Variants in TEX36 observed in about 807,000 individuals in gnomAD.
TEX36 encodes the protein testis-expressed protein 36.
In TEX36, 12 loss-of-function variants were observed where a neutral mutation model predicts 13.6. The observed-to-expected ratio is 0.88, with a 90% CI of 0.56 to 1.43. TEX36 has a LOEUF of 1.43. TEX36 is among the 40% of genes most tolerant of loss of function. TEX36 has a pLI of 0.00. For missense variants in TEX36, 224 were observed against 228.3 expected (o/e 0.98, Z 0.12); for synonymous variants, 93 against 83.0 (o/e 1.12, Z -0.65).
At chr10:125,666,370 C>T (rs1347622229) in intron 1 of TEX36, among the ~76,000 whole-genome samples, 1 of 152,058 alleles carries the variant, frequency 6.6e-6, no homozygotes, top group Non-Finnish European at 1.5e-5. Context: ...GAGTTATGTT[C>T]CTTCTATGTC....
At chr10:125,641,029 T>A (rs1846684057) in intron 3 of TEX36, among the ~76,000 whole-genome samples, 1 of 148,588 alleles carries the variant, frequency 6.7e-6, no homozygotes, top group African/African-American at 2.5e-5. Context: ...AAAAAAAAAA[T>A]TTAATTGGGA....
intron 1 of TEX36, among the ~76,000 whole-genome samples, chr10:125,670,845 C>T (rs1017833044): frequency 1.3e-5 from 2 of 152,116 alleles, no homozygotes; most frequent in East Asian, 1.9e-4. Flanking sequence ...AATAGGGAAT[C>T]CTTTTCCCAT....
downstream of TEX36, among the ~76,000 whole-genome samples, chr10:125,653,825 T>A (rs2133587809): frequency 6.6e-6 from 1 of 151,886 alleles, no homozygotes; most frequent in South Asian, 2.1e-4. Context: ...CAAAAAACAA[T>A]TTTTTAATTA....
intron 3 of TEX36, among the ~76,000 whole-genome samples, chr10:125,625,193 A>G (rs886480781): frequency 1.1e-4 from 16 of 152,208 alleles, no homozygotes; most frequent in Admixed American, 1.3e-4. Flanking sequence ...CCCACCAGAC[A>G]TGAGCCCCTC....
intron 3 of TEX36, among the ~76,000 whole-genome samples, chr10:125,582,534 G>A (rs1381133027): frequency 6.6e-6 from 1 of 152,222 alleles, no homozygotes; most frequent in Non-Finnish European, 1.5e-5. Flanking sequence ...CAGATCCAAA[G>A]TGGTGGCCAA....
At chr10:125,636,589 G>T (rs1278098386) in intron 3 of TEX36, among the ~76,000 whole-genome samples, 4 of 152,088 alleles carry the variant, frequency 2.6e-5, no homozygotes. Flanking sequence ...CTTCATAAAA[G>T]TTCCAAATGA....
chr10:125,651,736 A>G (rs538297668), downstream of TEX36, among the ~76,000 whole-genome samples: 1 of 152,310 alleles, frequency 6.6e-6, no homozygotes, highest in South Asian at 2.1e-4. Context: ...ATGATTTTAT[A>G]TTTAGAAAAC....
intron 3 of TEX36, 99 bp downstream of exon 3, chr10:125,660,922 C>T: frequency 5.8e-6 from 6 of 1,026,390 alleles, no homozygotes; most frequent in Non-Finnish European, 8.9e-6. Flanking sequence ...GACCTTGTTC[C>T]AGTTTTGAGG....
rs148146722 is a variant in TEX36 at position 125,641,248 on chromosome 10, A to G, written c.265-19603T>C. 1.5e-3 allele frequency among the ~76,000 whole-genome samples: 234 copies of G among 152,350 alleles called. 1 individual carries two copies. Among genetic ancestry groups the G allele is most frequent in the African/African-American group, 5.4e-3 (226 of 41,584 alleles). ...GGCTTTGGCCAAAGGCAGCCACAAG[A>G]TACTCTAACAAAAAGAAGGCACAAG... On this transcript the variant is annotated intron_variant, in intron 3 of 3. Transcript: ENST00000526819.
At chr10:125,619,843 C>T (rs1046560935), downstream of TEX36, among the ~76,000 whole-genome samples, 2 of 151,920 alleles carry the variant, frequency 1.3e-5, no homozygotes, top group African/African-American at 4.8e-5. Flanking sequence ...GCGTGAGCCA[C>T]CTCGCCCGAC....
chr10:125,617,086 T>G, downstream of TEX36, among the ~76,000 whole-genome samples: 1 of 152,184 alleles, frequency 6.6e-6, no homozygotes. Flanking sequence ...AAGTCTGTTT[T>G]ATCAGAGACT....
At chr10:125,661,644 A>G (rs1847044482) in intron 2 of TEX36, among the ~76,000 whole-genome samples, 1 of 152,150 alleles carries the variant, frequency 6.6e-6, no homozygotes, top group Admixed American at 6.5e-5. Flanking sequence ...GGAGGAGCCT[A>G]ACTTGATTGT....
At chr10:125,677,778 C>T (rs917651010) in intron 1 of TEX36, among the ~76,000 whole-genome samples, 2 of 152,128 alleles carry the variant, frequency 1.3e-5, no homozygotes, top group Non-Finnish European at 2.9e-5. Flanking sequence ...GCCACCCAGA[C>T]TCAATTGATC....
At chr10:125,597,892 C>A (rs1483382251) in intron 3 of TEX36, among the ~76,000 whole-genome samples, 1 of 152,224 alleles carries the variant, frequency 6.6e-6, no homozygotes, top group African/African-American at 2.4e-5. Flanking sequence ...GGATCCCAAA[C>A]ACTTTGTGAC....
intron 1 of TEX36, among the ~76,000 whole-genome samples, chr10:125,674,614 T>A (rs1565191726): frequency 6.6e-6 from 1 of 152,354 alleles, no homozygotes; most frequent in East Asian, 1.9e-4. Context: ...TTACAGGGAC[T>A]TTTTTGTTGA....
At chr10:125,617,774 C>T (rs1489443163), downstream of TEX36, among the ~76,000 whole-genome samples, 2 of 152,110 alleles carry the variant, frequency 1.3e-5, no homozygotes, top group Non-Finnish European at 2.9e-5. Flanking sequence ...CTTGGAGTTG[C>T]TCTTCTCGAG....
At chr10:125,641,554 C>A (rs920476384) in intron 3 of TEX36, among the ~76,000 whole-genome samples, 1 of 152,288 alleles carries the variant, frequency 6.6e-6, no homozygotes, top group South Asian at 2.1e-4. Flanking sequence ...TTATTGCCCT[C>A]GGGTGTTATT....
At chr10:125,612,141 G>A (rs112957116) in intron 3 of TEX36, among the ~76,000 whole-genome samples, 2 of 147,990 alleles carry the variant, frequency 1.4e-5, no homozygotes, top group African/African-American at 5.0e-5. Flanking sequence ...GCTGGAGTGA[G>A]GTGGCAATCT....
At chr10:125,578,058 C>G (rs1845846770) in intron 3 of TEX36, among the ~76,000 whole-genome samples, 1 of 152,186 alleles carries the variant, frequency 6.6e-6, no homozygotes, top group Non-Finnish European at 1.5e-5. Context: ...TTTTAAATAA[C>G]TGAGTCCACT....
Sources: gnomAD v4.1 joint callset for allele counts (sites outside exome capture counted in the v4.1 genomes callset) on GRCh38, gnomAD v4.1.1 for gene constraint, MANE v1.5 for transcripts, NCBI Gene and HGNC (gene_info 2026-07-23, HGNC 2026-07-21) for gene names.